Variants in KASH5 observed in about 807,000 individuals in gnomAD.
The protein encoded by KASH5 is KASH domain containing 5, also known as protein KASH5.
Under a neutral mutation model 84.2 loss-of-function variants are expected in KASH5, and 72 were observed. That is an observed-to-expected ratio of 0.85 (90% confidence interval 0.71 to 1.04). The LOEUF (loss-of-function observed/expected upper bound fraction) is 1.04. KASH5 is among the 50% of genes least tolerant of loss of function. KASH5 has a pLI of 0.00. For synonymous variants in KASH5, 260 were observed against 279.1 expected, an observed-to-expected ratio of 0.93 and a Z score of 0.68; for missense variants, 650 against 701.0, an observed-to-expected ratio of 0.93 and a Z score of 0.82.
intron 5 of KASH5, among the ~76,000 whole-genome samples, chr19:49,396,766 A>G (rs1349607268): frequency 6.9e-6 from 1 of 144,582 alleles, no homozygotes; most frequent in Non-Finnish European, 1.6e-5. Context: ...GAGGTGCTCC[A>G]TAAAAAAAGT....
At chr19:49,406,562 A>G (rs1974532126) in intron 9 of KASH5, among the ~76,000 whole-genome samples, 1 of 152,036 alleles carries the variant, frequency 6.6e-6, no homozygotes, top group Non-Finnish European at 1.5e-5. Context: ...TTTTTAGTAG[A>G]GACGGGGTTT....
Position 49,395,904 on chromosome 19 carries a change from G to A in KASH5, c.400+71G>A. 1 of 1,300,654 alleles carries A rather than the reference G, an allele frequency of 7.7e-7. No individual in the cohort carries two copies. The highest frequency in any genetic ancestry group is 1.1e-6 in the Non-Finnish European group (1 of 928,970). 80.6% of individuals were successfully genotyped at this position (1,300,654 alleles called of 1,614,324 possible). A position where few individuals can be genotyped will look rare whatever the true frequency, so the allele number is the denominator to read the frequency against. On this transcript the variant is annotated intron_variant, in intron 5 of 19. Coordinates refer to ENST00000447857, the MANE Select transcript of KASH5 (RefSeq NM_144688.5). The surrounding 1 kb of genome is among the most constrained non-coding windows in gnomAD (Gnocchi z 4.4). ...ACAGTGTGGGGACTTACCACCCAGG[G>A]CAGAGCAAGGGATAGGGTAGGAACC...
intron 1 of KASH5, chr19:49,389,466 A>G (rs1453384342): frequency 1.3e-5 from 2 of 152,046 alleles, no homozygotes; most frequent in East Asian, 1.9e-4. Flanking sequence ...CCCCGAGATC[A>G]ACCAACACCC....
chr19:49,408,782 GCT>G (rs552780440), intron 12 of KASH5, among the ~76,000 whole-genome samples, 183 bp from the exon 13 acceptor site: 67 of 152,150 alleles, frequency 4.4e-4, no homozygotes, highest in Non-Finnish European at 8.8e-4. Flanking sequence ...GATTCCTGTT[GCT>G]CTCTCTCTTT....
At chr19:49,400,378 T>C (rs1974328004) in intron 9 of KASH5, among the ~76,000 whole-genome samples, 1 of 149,542 alleles carries the variant, frequency 6.7e-6, no homozygotes, top group Non-Finnish European at 1.5e-5. Context: ...CTTTTTTTTT[T>C]TTTTGAGACA....
In KASH5 at chr19:49,413,044, C is replaced by A. The variant is rs1004266876; in HGVS notation, c.1328+18C>A. The A allele has an allele frequency of 6.2e-7, 1 of 1,610,114 alleles. No individual in the cohort carries two copies. The highest frequency in any genetic ancestry group is 8.5e-7 in the Non-Finnish European group (1 of 1,179,360). Reference sequence around the variant, plus strand: ...TCCATGTGGTAAGGAGCTGAGCCATCCGTCTGCCTCAGGGTGACACCTTAT... The same window carrying A: ...TCCATGTGGTAAGGAGCTGAGCCATACGTCTGCCTCAGGGTGACACCTTAT... On this transcript the variant is annotated intron_variant, in intron 16 of 19. Coordinates refer to ENST00000447857, the MANE Select transcript of KASH5 (RefSeq NM_144688.5).
chr19:49,408,965 A>G lies in KASH5; in HGVS notation c.994-2A>G. ...ATGTGCTCCCCACTTCCTCCTTTGC[A>G]GGAACTGAGGCTGGAGATTTCACGC... On this transcript the variant is annotated splice_acceptor_variant, in intron 12 of 19. Transcript: ENST00000447857. LOFTEE classifies it high-confidence loss of function. The G allele has an allele frequency of 1.3e-6, 2 of 1,580,128 alleles. No homozygotes were observed. The highest frequency in any genetic ancestry group is 1.2e-5 in the South Asian group (1 of 85,990).
chr19:49,398,411 C>G (rs1388701498), intron 7 of KASH5, among the ~76,000 whole-genome samples: 1 of 151,212 alleles, frequency 6.6e-6, no homozygotes, highest in African/African-American at 2.4e-5. Context: ...CTCTGTCACC[C>G]AGGCTGGAGT....
At chr19:49,411,838 G>A (rs73578537) in intron 15 of KASH5, among the ~76,000 whole-genome samples, 2,326 of 151,786 alleles carry the variant, frequency 0.015, 57 homozygotes, top group African/African-American at 0.053. Flanking sequence ...TCAGAGATTG[G>A]GGAAGATATT....
At position 49,406,083 on chromosome 19, in the gene KASH5, G is replaced by T. The variant is rs1001066554; in HGVS notation, c.799-803G>T. On this transcript the variant is annotated intron_variant, in intron 9 of 19. Coordinates refer to ENST00000447857, the MANE Select transcript of KASH5 (RefSeq NM_144688.5). ...GCAAAGATTGCAGTGAACCAAGATC[G>T]CACCATTGCATGCCAGCCTGGGCAA... Among the ~76,000 whole-genome samples, 3 of 143,270 alleles carry T rather than the reference G, an allele frequency of 2.1e-5. No individual in the cohort carries two copies. The East Asian group carries it at 6.1e-4, about 29-fold the overall frequency. The allele number at this position is 143,270 out of a possible 152,430, so 94.0% of individuals were successfully genotyped here.
chr19:49,409,320 C>T (rs767313046), intron 14 of KASH5, 37 bp downstream of exon 14: 2 of 1,594,624 alleles, frequency 1.3e-6, no homozygotes, highest in African/African-American at 1.3e-5. Flanking sequence ...TGCAGGCCAC[C>T]AAGGCAGAAT....
intron 15 of KASH5, among the ~76,000 whole-genome samples, chr19:49,410,129 A>G (rs1040963442): frequency 6.6e-6 from 1 of 152,186 alleles, no homozygotes; most frequent in Admixed American, 6.5e-5. Context: ...TGTGGCTTTT[A>G]TTGTTGGTTT....
chr19:49,396,362 C>T (rs1426181387), intron 5 of KASH5, among the ~76,000 whole-genome samples: 1 of 150,766 alleles, frequency 6.6e-6, no homozygotes, highest in Non-Finnish European at 1.5e-5. Flanking sequence ...TCAAGCAGTT[C>T]TTCTGCCTCA....
chr19:49,411,289 TA>T (rs1030258064), intron 15 of KASH5, among the ~76,000 whole-genome samples: 4 of 152,104 alleles, frequency 2.6e-5, no homozygotes, highest in African/African-American at 9.7e-5. Flanking sequence ...AACAGCTCTA[TA>T]AACAAGCTGT....
intron 15 of KASH5, among the ~76,000 whole-genome samples, chr19:49,411,864 C>T (rs1400377759): frequency 7.0e-6 from 1 of 142,126 alleles, no homozygotes; most frequent in Non-Finnish European, 1.5e-5. Context: ...AAAACTGATA[C>T]TTGAGTGGAA....
chr19:49,408,425 TTTAA>T (rs1974600988), intron 12 of KASH5: 1 of 154,110 alleles, frequency 6.5e-6, no homozygotes, highest in African/African-American at 2.4e-5. Flanking sequence ...CCTTCCTTCT[TTTAA>T]TTGTCTTGGC....
chr19:49,395,646 C>A lies in KASH5; in HGVS notation c.336-123C>A. 1.0e-6 allele frequency: 1 copy of A among 953,364 alleles called. No homozygotes were observed. 59.1% of individuals were successfully genotyped at this position (953,364 alleles called of 1,614,324 possible). On this transcript the variant is annotated intron_variant, in intron 4 of 19. Coordinates refer to ENST00000447857, the MANE Select transcript of KASH5 (RefSeq NM_144688.5). The surrounding 1 kb of genome is among the most constrained non-coding windows in gnomAD (Gnocchi z 4.4). ...CTTGCCATCTGGCCTCACCCTCCTA[C>A]CCTGTGGTGCCAGCTCTCACCTGAC... is the stretch of plus-strand genomic sequence containing the variant.
rs1185997481 is a variant in KASH5 at position 49,414,420 on chromosome 19, T to C, written c.1329-531T>C. On this transcript the variant is annotated intron_variant, in intron 16 of 19. Transcript: ENST00000447857. The surrounding 1 kb of genome is among the most constrained non-coding windows in gnomAD (Gnocchi z 4.5). Reference sequence around the variant, plus strand: ...CTCAGAGAGCACCCAGTGACAGTCATTGAAAAATGGCTCAACCCACTAGAC... The same window carrying C: ...CTCAGAGAGCACCCAGTGACAGTCACTGAAAAATGGCTCAACCCACTAGAC... 1.3e-5 allele frequency among the ~76,000 whole-genome samples: 2 copies of C among 151,852 alleles called. No individual in the cohort carries two copies. Among genetic ancestry groups the C allele is most frequent in the East Asian group, 1.9e-4 (1 of 5,150 alleles).
At chr19:49,415,254 C>G in intron 17 of KASH5, 1 of 561,454 alleles carries the variant, frequency 1.8e-6, no homozygotes, top group Non-Finnish European at 3.2e-6. Context: ...GGGCTGCAGC[C>G]ACCACACCGC....
Sources: allele counts gnomAD v4.1 joint callset (sites outside exome capture counted in the v4.1 genomes callset), GRCh38; gene constraint gnomAD v4.1.1; non-coding constraint Gnocchi (gnomAD v3.1); transcripts MANE v1.5; gene names NCBI Gene and HGNC (gene_info 2026-07-23, HGNC 2026-07-21).